The following OTUD7A variants were observed in gnomAD, a reference collection of about 807,000 sequenced individuals.
OTUD7A encodes OTU domain-containing protein 7A.
In OTUD7A, 12 loss-of-function variants were observed where a neutral mutation model predicts 65.7. The observed-to-expected ratio is 0.18, with a 90% confidence interval of 0.12 to 0.30. The LOEUF is 0.30. OTUD7A is among the 10% of genes least tolerant of loss of function. OTUD7A has a pLI of 1.00. For synonymous variants in OTUD7A, 641 were observed against 586.3 expected, an observed-to-expected ratio of 1.09 and a Z score of -1.35; for missense variants, 1,148 against 1,304.8, an observed-to-expected ratio of 0.88 and a Z score of 1.85.
In OTUD7A at chr15:31,857,272, C is replaced by G. The variant is rs535006424; in HGVS notation, c.-100+13235G>C. Among the ~76,000 whole-genome samples, 170 of 152,326 alleles carry G rather than the reference C, an allele frequency of 1.1e-3. 1 individual carries two copies. Among genetic ancestry groups the G allele is most frequent in the Middle Eastern group, 3.4e-3 (1 of 294 alleles). On this transcript the variant is annotated intron_variant, in intron 1 of 12. Transcript: ENST00000307050. ...AGCCCACGGTAGCACCTAGGGCCTG[C>G]TGTCACCTGTAAGGCAGATGTCACA...
Position 31,477,638 on chromosome 15 carries a change from T to C in OTUD7A, c.*5656A>G, listed in dbSNP as rs2041043234. 1 of 152,244 alleles carries C rather than the reference T, an allele frequency of 6.6e-6. No individual in the cohort carries two copies. The highest frequency in any genetic ancestry group is 2.4e-5 in the African/African-American group (1 of 41,460). 9.4% of individuals were successfully genotyped at this position (152,244 alleles called of 1,614,324 possible). ...GCTGAAATTGACATTTTCTGGCCTC[T>C]TAATAGTTTTCAATTTACTGATTTA... On this transcript the variant is annotated 3_prime_UTR_variant, in exon 13 of 13. Transcript: ENST00000307050.
chr15:31,760,723 GA>G (rs1894938121), intron 1 of OTUD7A, among the ~76,000 whole-genome samples: 1 of 152,224 alleles, frequency 6.6e-6, no homozygotes, highest in East Asian at 1.9e-4. Context: ...AATTCATATG[GA>G]AATTCAAGGG....
At chr15:31,798,245 G>T (rs982653621) in intron 1 of OTUD7A, among the ~76,000 whole-genome samples, 1 of 152,150 alleles carries the variant, frequency 6.6e-6, no homozygotes, top group Non-Finnish European at 1.5e-5. Flanking sequence ...TAACAAATGT[G>T]ATCTTCCCCA....
At position 31,530,856 on chromosome 15, in the gene OTUD7A, C is replaced by T. The variant is rs370507290; in HGVS notation, c.551-48G>A. On this transcript the variant is annotated intron_variant, in intron 5 of 12. Coordinates refer to ENST00000307050, the MANE Select transcript of OTUD7A (RefSeq NM_001382637.1). ...AACAGGATCCCAGAAAAGGAAGGGGCCACTGGGGGTGTTTGCTAAGGAGGC... is the reference window on the plus strand; with the variant it reads ...AACAGGATCCCAGAAAAGGAAGGGGTCACTGGGGGTGTTTGCTAAGGAGGC... 1.0e-4 allele frequency: 156 copies of T among 1,519,100 alleles called. 1 individual carries two copies. The African/African-American group carries it at 2.0e-3, about 20-fold the overall frequency. The allele number at this position is 1,519,100 out of a possible 1,614,324, so 94.1% of individuals were successfully genotyped here.
chr15:31,500,794 C>T (rs769795471), intron 10 of OTUD7A, among the ~76,000 whole-genome samples: 1 of 152,352 alleles, frequency 6.6e-6, no homozygotes, highest in Admixed American at 6.5e-5. Flanking sequence ...TTCTCTGGGA[C>T]CATACCTAAT....
intron 5 of OTUD7A, among the ~76,000 whole-genome samples, chr15:31,555,571 G>A (rs1307268185): frequency 6.6e-6 from 1 of 152,198 alleles, no homozygotes; most frequent in Non-Finnish European, 1.5e-5. Flanking sequence ...GAAGGTACAG[G>A]AGCTGCCAGT....
rs1316280162 is a variant in OTUD7A, at chr15:31,860,086, T to C, written c.-100+10421A>G. On this transcript the variant is annotated intron_variant, in intron 1 of 12. Transcript: ENST00000307050. Reference sequence around the variant, plus strand: ...TATGACATATCCATGTGACCTTCCATTTTCTCTTTTCTATCACTAACATTT... The same window carrying C: ...TATGACATATCCATGTGACCTTCCACTTTCTCTTTTCTATCACTAACATTT... Among the ~76,000 whole-genome samples the C allele has an allele frequency of 2.0e-5, 3 of 152,210 alleles. No homozygotes were observed. In the East Asian group the frequency reaches 5.8e-4, roughly 29 times the overall value.
At position 31,503,679 on chromosome 15, in the gene OTUD7A, T is replaced by A. The variant is rs769683108; in HGVS notation, c.1021+12A>T. On this transcript the variant is annotated intron_variant, in intron 9 of 12. Transcript: ENST00000307050. ...GTGTCATGAATACAACACATCTCTT[T>A]GAGGAACTTACCTTCTCCACCTGAG... 1 of 1,614,160 alleles carries A rather than the reference T, an allele frequency of 6.2e-7. No individual in the cohort carries two copies. Among genetic ancestry groups the A allele is most frequent in the South Asian group, 1.1e-5 (1 of 91,078 alleles).
intron 1 of OTUD7A, among the ~76,000 whole-genome samples, chr15:31,785,732 C>T (rs1195959099): frequency 6.6e-6 from 1 of 152,170 alleles, no homozygotes; most frequent in African/African-American, 2.4e-5. Flanking sequence ...TGAGAGCCTG[C>T]CCTATTTAAG....
rs566219428 is a variant in OTUD7A at position 31,607,122 on chromosome 15, G to A, written c.152-36925C>T. Among the ~76,000 whole-genome samples the A allele has an allele frequency of 3.5e-4, 53 of 152,304 alleles. 2 individuals carry two copies. The Middle Eastern group carries it at 0.017, about 49-fold the overall frequency. ...GAATGTTAAGCTGAGAACTAGGAGAGGATTAGAGACAAGAGAGATAAACTA... is the reference window on the plus strand; with the variant it reads ...GAATGTTAAGCTGAGAACTAGGAGAAGATTAGAGACAAGAGAGATAAACTA... On this transcript the variant is annotated intron_variant, in intron 3 of 12. Transcript: ENST00000307050.
chr15:31,660,129 C>T (rs1481871088), intron 1 of OTUD7A, among the ~76,000 whole-genome samples: 3 of 152,262 alleles, frequency 2.0e-5, no homozygotes, highest in Non-Finnish European at 4.4e-5. Flanking sequence ...CCCTTGACTA[C>T]CCATACATTT....
At chr15:31,490,235 A>G (rs1301455795) in intron 10 of OTUD7A, among the ~76,000 whole-genome samples, 2 of 152,348 alleles carry the variant, frequency 1.3e-5, no homozygotes, top group East Asian at 3.9e-4. Context: ...CTGGTGGTAA[A>G]TGTCTAGAAC....
In OTUD7A at chr15:31,511,978, T is replaced by C. The variant is rs370871537; in HGVS notation, c.894-8160A>G. On this transcript the variant is annotated intron_variant, in intron 8 of 12. Transcript: ENST00000307050. The stretch of plus-strand genomic sequence containing the variant: ...ATTTTTTTTACCTTTTTTTAACCTT[T>C]AAGACATCCTGGCTAAGAAATATTT... Among the ~76,000 whole-genome samples the C allele has an allele frequency of 1.1e-4, 17 of 152,240 alleles. No homozygotes were observed. The East Asian group carries it at 2.5e-3, about 22-fold the overall frequency.
chr15:31,848,660 A>T (rs935828432), intron 1 of OTUD7A, among the ~76,000 whole-genome samples: 4 of 152,092 alleles, frequency 2.6e-5, no homozygotes, highest in African/African-American at 4.8e-5. Context: ...TCCATATCCA[A>T]TGCTTTGTAT....
At chr15:31,858,300 G>C (rs1048125251) in intron 1 of OTUD7A, among the ~76,000 whole-genome samples, 2 of 152,194 alleles carry the variant, frequency 1.3e-5, no homozygotes, top group African/African-American at 4.8e-5. Flanking sequence ...AAGATGTTCT[G>C]GGAGGCCTGA....
chr15:31,659,005 C>T (rs894261633), intron 1 of OTUD7A, among the ~76,000 whole-genome samples: 1 of 149,524 alleles, frequency 6.7e-6, no homozygotes, highest in African/African-American at 2.5e-5. Context: ...GCACTCCAGC[C>T]TGGGCATGAA....
intron 3 of OTUD7A, among the ~76,000 whole-genome samples, chr15:31,587,250 A>G (rs1234008727): frequency 6.6e-6 from 1 of 152,064 alleles, no homozygotes; most frequent in African/African-American, 2.4e-5. Context: ...TCTTGCTTGG[A>G]TTATTGCCAG....
intron 1 of OTUD7A, among the ~76,000 whole-genome samples, chr15:31,819,356 G>T (rs942650317): frequency 1.3e-5 from 2 of 152,194 alleles, no homozygotes; most frequent in Non-Finnish European, 2.9e-5. Flanking sequence ...TTGGGTGCTA[G>T]AGAGAGGAAA....
intron 1 of OTUD7A, among the ~76,000 whole-genome samples, chr15:31,849,940 T>C (rs974219829): frequency 2.6e-5 from 4 of 152,184 alleles, no homozygotes; most frequent in African/African-American, 9.6e-5. Flanking sequence ...CGAACACTTT[T>C]AGACACTTTT....
Sources: gnomAD v4.1 joint callset for allele counts (sites outside exome capture counted in the v4.1 genomes callset) on GRCh38, gnomAD v4.1.1 for gene constraint, MANE v1.5 for transcripts, NCBI Gene and HGNC (gene_info 2026-07-23, HGNC 2026-07-21) for gene names.